SNX29: variants seen among roughly 807,000 people sequenced by gnomAD.
SNX29 encodes the protein sorting nexin 29, also known as sorting nexin-29.
SNX29 carries 78 observed loss-of-function variants against 102.1 expected under a neutral mutation model. That is an observed-to-expected ratio of 0.76 (90% confidence interval 0.64 to 0.92). SNX29 has a LOEUF of 0.92. Among genes scored for constraint, SNX29 ranks in the 40% least tolerant of loss-of-function variants. The pLI, the probability that SNX29 is intolerant of heterozygous loss-of-function variation, is 0.00. For missense variants in SNX29, 1,280 were observed against 1,061.7 expected (o/e 1.21, Z -2.86); for synonymous variants, 580 against 414.5 (o/e 1.40, Z -4.85).
intron 1 of SNX29, among the ~76,000 whole-genome samples, chr16:11,987,688 C>T (rs139707356): frequency 1.3e-5 from 2 of 152,262 alleles, no homozygotes; most frequent in East Asian, 3.9e-4. Flanking sequence ...AGCCAGCATG[C>T]CTGATTCTGA....
intron 4 of SNX29, among the ~76,000 whole-genome samples, chr16:12,030,249 G>C (rs1467317404): frequency 6.6e-6 from 1 of 152,176 alleles, no homozygotes; most frequent in Non-Finnish European, 1.5e-5. Flanking sequence ...TGGTGAAGTT[G>C]CTCTGTATGT....
chr16:12,315,060 C>T (rs1012730323), intron 15 of SNX29, among the ~76,000 whole-genome samples: 3 of 152,288 alleles, frequency 2.0e-5, no homozygotes, highest in Admixed American at 6.5e-5. Flanking sequence ...TTAATTATGA[C>T]TTCATGGGCT....
intron 16 of SNX29, among the ~76,000 whole-genome samples, chr16:12,385,005 C>T (rs990614605): frequency 6.6e-6 from 1 of 152,118 alleles, no homozygotes; most frequent in African/African-American, 2.4e-5. Context: ...ACCCCATCTC[C>T]ACTAAAAATA....
intron 11 of SNX29, among the ~76,000 whole-genome samples, chr16:12,090,463 A>C (rs1329094358): frequency 6.6e-6 from 1 of 152,120 alleles, no homozygotes; most frequent in Non-Finnish European, 1.5e-5. Flanking sequence ...TGCTCCAGGG[A>C]GGCCAGTTCC....
At chr16:12,143,146 C>T (rs372257142) in intron 13 of SNX29, among the ~76,000 whole-genome samples, 2 of 151,822 alleles carry the variant, frequency 1.3e-5, no homozygotes, top group East Asian at 1.9e-4. Flanking sequence ...TACAGGCATG[C>T]GCCACCATGC....
chr16:12,287,555 A>C (rs1384825176), intron 15 of SNX29, among the ~76,000 whole-genome samples: 8 of 152,200 alleles, frequency 5.3e-5, no homozygotes, highest in African/African-American at 1.9e-4. Flanking sequence ...CACAACGTTG[A>C]TTTCACCCAT....
intron 4 of SNX29, among the ~76,000 whole-genome samples, chr16:12,030,248 T>A (rs2057302114): frequency 6.6e-6 from 1 of 152,260 alleles, no homozygotes; most frequent in South Asian, 2.1e-4. Flanking sequence ...TTGGTGAAGT[T>A]GCTCTGTATG....
chr16:12,388,168 C>T (rs989655493), intron 16 of SNX29, among the ~76,000 whole-genome samples: 14 of 152,120 alleles, frequency 9.2e-5, no homozygotes, highest in East Asian at 1.9e-4. Context: ...ATTCTTTTTC[C>T]GCACCCATGT....
chr16:12,496,037 G>C (rs1021347708), intron 19 of SNX29, among the ~76,000 whole-genome samples: 1 of 151,468 alleles, frequency 6.6e-6, no homozygotes, highest in Non-Finnish European at 1.5e-5. Flanking sequence ...GACAGGATGA[G>C]ACTCTGTCAA....
chr16:12,466,518 C>T (rs1013170151), intron 18 of SNX29, among the ~76,000 whole-genome samples: 7 of 152,170 alleles, frequency 4.6e-5, no homozygotes, highest in African/African-American at 1.2e-4. Context: ...ATGAACCTGC[C>T]GTCAGATGTG....
intron 1 of SNX29, among the ~76,000 whole-genome samples, chr16:11,991,833 A>T (rs2055867695): frequency 6.6e-6 from 1 of 151,366 alleles, no homozygotes; most frequent in South Asian, 2.1e-4. Context: ...GATTACAGGC[A>T]TGAGCCACCT....
intron 15 of SNX29, among the ~76,000 whole-genome samples, chr16:12,324,009 A>G (rs2081040636): frequency 6.6e-6 from 1 of 151,482 alleles, no homozygotes. Flanking sequence ...AGAGAAGAAT[A>G]TGACGTACTC....
chr16:12,437,569 T>C (rs2085593437), intron 18 of SNX29, among the ~76,000 whole-genome samples: 1 of 152,082 alleles, frequency 6.6e-6, no homozygotes, highest in Non-Finnish European at 1.5e-5. Context: ...GTAGACAACA[T>C]CTCTGTCTCC....
intron 18 of SNX29, among the ~76,000 whole-genome samples, chr16:12,444,359 G>C (rs1282752713): frequency 6.6e-6 from 1 of 152,252 alleles, no homozygotes; most frequent in African/African-American, 2.4e-5. Context: ...CTGTGCTGCT[G>C]TTTCTTCCCA....
chr16:12,320,787 A>G (rs1191314601), intron 15 of SNX29, among the ~76,000 whole-genome samples: 1 of 152,188 alleles, frequency 6.6e-6, no homozygotes, highest in Non-Finnish European at 1.5e-5. Flanking sequence ...TCCAAACTCA[A>G]GAGTTGTGAT....
rs1482397516 is a variant in SNX29, at chr16:12,573,706, G to C, written c.*5077G>C. ...TGCCCTTGCAAAAATTGGGACTGAGGACAGTAGCACACGGAATGGTGGATC... is the reference window on the plus strand; with the variant it reads ...TGCCCTTGCAAAAATTGGGACTGAGCACAGTAGCACACGGAATGGTGGATC... On this transcript the variant is annotated 3_prime_UTR_variant, in exon 21 of 21. Transcript: ENST00000566228. 1 of 223,616 alleles carries C rather than the reference G, an allele frequency of 4.5e-6. No homozygotes were observed. Among genetic ancestry groups the C allele is most frequent in the Admixed American group, 5.7e-5 (1 of 17,466 alleles). 13.9% of individuals were successfully genotyped at this position (223,616 alleles called of 1,614,324 possible). A position where few individuals can be genotyped will look rare whatever the true frequency, so the allele number is the denominator to read the frequency against.
chr16:12,274,130 A>T (rs763176209), intron 14 of SNX29, among the ~76,000 whole-genome samples: 1 of 152,176 alleles, frequency 6.6e-6, no homozygotes, highest in Non-Finnish European at 1.5e-5. Context: ...AAGTTTCTGC[A>T]CGGTCACATG....
chr16:12,399,729 T>C (rs533459679), intron 17 of SNX29, among the ~76,000 whole-genome samples: 5 of 151,728 alleles, frequency 3.3e-5, no homozygotes, highest in African/African-American at 1.2e-4. Flanking sequence ...GCTGCTGGGG[T>C]CGGGGGTGGC....
intron 14 of SNX29, among the ~76,000 whole-genome samples, chr16:12,209,148 AGGTATTCCCTGTGAAACTCAC>A (rs2077119558): frequency 6.6e-6 from 1 of 152,226 alleles, no homozygotes; most frequent in Non-Finnish European, 1.5e-5. Context: ...TGGGGCAAGC[AGGTATTCCCTGTGAAACTCAC>A]GGGTTGCAGG....
Sources: gnomAD v4.1 joint callset for allele counts (sites outside exome capture counted in the v4.1 genomes callset) on GRCh38, gnomAD v4.1.1 for gene constraint, MANE v1.5 for transcripts, NCBI Gene and HGNC (gene_info 2026-07-23, HGNC 2026-07-21) for gene names.